SRPK1: variants seen among roughly 807,000 people sequenced by gnomAD.
The protein encoded by SRPK1 is SRSF protein kinase 1.
A neutral mutation model predicts 89.5 loss-of-function variants in SRPK1; 52 were observed. The ratio of observed to expected loss-of-function variants is 0.58; its 90% CI spans 0.46 to 0.73. The LOEUF (loss-of-function observed/expected upper bound fraction) is 0.73. Ranked by LOEUF, SRPK1 falls within the 30% of genes least tolerant of loss-of-function variation. The pLI, the probability that SRPK1 is intolerant of heterozygous loss-of-function variation, is 0.00. For synonymous variants in SRPK1, 255 were observed against 270.2 expected, an observed-to-expected ratio of 0.94 and a Z score of 0.55; for missense variants, 603 against 780.6, an observed-to-expected ratio of 0.77 and a Z score of 2.71.
intron 13 of SRPK1, among the ~76,000 whole-genome samples, chr6:35,846,811 C>T (rs1057008158): frequency 2.0e-5 from 3 of 152,140 alleles, no homozygotes; most frequent in African/African-American, 7.2e-5. Context: ...GACCTGATGG[C>T]TTCACTGCTG....
rs1270340004 is a variant in SRPK1, at chr6:35,834,310, T to C, written c.*994A>G. The C allele has an allele frequency of 6.6e-6, 1 of 152,192 alleles. No homozygotes were observed. The highest frequency in any genetic ancestry group is 1.5e-5 in the Non-Finnish European group (1 of 67,986). The allele number at this position is 152,192 out of a possible 1,614,324, so 9.4% of individuals were successfully genotyped here. On this transcript the variant is annotated 3_prime_UTR_variant, in exon 16 of 16. Coordinates refer to ENST00000373825, the MANE Select transcript of SRPK1 (RefSeq NM_003137.5). ...GAGGAAAACTGCTTCAAGGCCAGAA[T>C]TTTGGGTAAGGTAAAGAAAAAGCTG...
chr6:35,837,868 CTTTT>C (rs796327113), intron 15 of SRPK1, among the ~76,000 whole-genome samples: 1 of 138,000 alleles, frequency 7.2e-6, no homozygotes. Context: ...CCAGTCTCTG[CTTTT>C]TTTTTTTTTT....
chr6:35,887,849 C>G (rs1163714748), intron 5 of SRPK1, 175 bp downstream of exon 5: 4 of 422,154 alleles, frequency 9.5e-6, no homozygotes, highest in Non-Finnish European at 1.2e-5. Flanking sequence ...CACCAGTTCC[C>G]TACTACATGC....
chr6:35,836,071 C>A lies in SRPK1; in HGVS notation c.1784-583G>T, dbSNP rs1260027133. Among the ~76,000 whole-genome samples, 4 of 152,158 alleles carry A rather than the reference C, an allele frequency of 2.6e-5. No individual in the cohort carries two copies. The East Asian group carries it at 7.7e-4, about 29-fold the overall frequency. On this transcript the variant is annotated intron_variant, in intron 15 of 15. Coordinates refer to ENST00000373825, the MANE Select transcript of SRPK1 (RefSeq NM_003137.5). ...TACCAATACCCCCTATGGTACCAGT[C>A]TGCGGTCTGTCAGGTCTGCACAGCA... is the stretch of plus-strand genomic sequence containing the variant.
At chr6:35,853,414 T>C (rs561220544) in intron 13 of SRPK1, among the ~76,000 whole-genome samples, 1 of 152,372 alleles carries the variant, frequency 6.6e-6, no homozygotes, top group East Asian at 1.9e-4. Context: ...ATATATGTTA[T>C]ATGCAAACAC....
intron 2 of SRPK1, among the ~76,000 whole-genome samples, chr6:35,913,694 A>T (rs903429429): frequency 1.3e-5 from 2 of 151,688 alleles, no homozygotes; most frequent in Non-Finnish European, 2.9e-5. Context: ...GCTACTCGGG[A>T]GCCTGAGGCA....
At chr6:35,851,415 C>A (rs1020474315) in intron 13 of SRPK1, among the ~76,000 whole-genome samples, 7 of 152,036 alleles carry the variant, frequency 4.6e-5, no homozygotes, top group African/African-American at 1.7e-4. Context: ...ATCAGGTGAT[C>A]CACCCACCTC....
chr6:35,887,715 G>GAA, intron 5 of SRPK1: 1 of 215,964 alleles, frequency 4.6e-6, no homozygotes. Context: ...ACCATAGTAG[G>GAA]AAAAAAAAAC....
intron 2 of SRPK1, among the ~76,000 whole-genome samples, chr6:35,905,804 A>G (rs946123796): frequency 2.0e-4 from 30 of 152,232 alleles, no homozygotes; most frequent in African/African-American, 7.2e-4. Context: ...GAGAAAGAAG[A>G]GTGAAATATA....
chr6:35,876,239 AT>A (rs1561981772), intron 6 of SRPK1, among the ~76,000 whole-genome samples: 2 of 152,162 alleles, frequency 1.3e-5, no homozygotes, highest in African/African-American at 4.8e-5. Context: ...ACATCACCAA[AT>A]GTAGGTGAGG....
At chr6:35,888,468 G>T (rs1770454250) in intron 4 of SRPK1, among the ~76,000 whole-genome samples, 1 of 152,112 alleles carries the variant, frequency 6.6e-6, no homozygotes, top group Non-Finnish European at 1.5e-5. Context: ...TCTGTATATA[G>T]GCAAAAACTA....
At chr6:35,843,246 G>C (rs1220500528) in intron 13 of SRPK1, among the ~76,000 whole-genome samples, 4 of 151,552 alleles carry the variant, frequency 2.6e-5, no homozygotes, top group Admixed American at 2.6e-4. Context: ...GGGATTACAG[G>C]TGTGAGCCAC....
At chr6:35,872,168 A>C (rs1166984636) in intron 8 of SRPK1, among the ~76,000 whole-genome samples, 1 of 152,254 alleles carries the variant, frequency 6.6e-6, no homozygotes, top group Non-Finnish European at 1.5e-5. Flanking sequence ...TCTAGGATGA[A>C]GCCCAAATTC....
intron 2 of SRPK1, among the ~76,000 whole-genome samples, chr6:35,918,883 G>C (rs1366452103): frequency 6.6e-6 from 1 of 152,064 alleles, no homozygotes; most frequent in Non-Finnish European, 1.5e-5. Flanking sequence ...GCTTGATTTG[G>C]GCTAATCTCA....
At chr6:35,842,792 T>C (rs1769340230) in intron 13 of SRPK1, among the ~76,000 whole-genome samples, 188 bp from the exon 14 acceptor site, 1 of 150,742 alleles carries the variant, frequency 6.6e-6, no homozygotes, top group Admixed American at 6.6e-5. Flanking sequence ...CCTATCTTAA[T>C]AAAATGGAGA....
chr6:35,920,295 A>G, intron 2 of SRPK1, 173 bp downstream of exon 2: 1 of 718,234 alleles, frequency 1.4e-6, no homozygotes, highest in African/African-American at 1.7e-5. Flanking sequence ...GCGTTGAGCA[A>G]CAGCAGCTCT....
At chr6:35,859,753 C>A (rs1445105149) in intron 12 of SRPK1, among the ~76,000 whole-genome samples, 4 of 152,224 alleles carry the variant, frequency 2.6e-5, no homozygotes, top group East Asian at 1.9e-4. Context: ...AATCTGAATT[C>A]AATGGGGTGC....
chr6:35,889,793 A>C (rs1770480812), intron 3 of SRPK1, among the ~76,000 whole-genome samples: 1 of 147,938 alleles, frequency 6.8e-6, no homozygotes, highest in Non-Finnish European at 1.5e-5. Flanking sequence ...CAAAAAACAA[A>C]CAAACAAACA....
chr6:35,892,446 G>T (rs929864636), intron 2 of SRPK1, among the ~76,000 whole-genome samples: 9 of 152,052 alleles, frequency 5.9e-5, no homozygotes, highest in African/African-American at 2.2e-4. Context: ...GAGGCCAGGG[G>T]TTTGAGACCA....
Sources: allele counts gnomAD v4.1 joint callset (sites outside exome capture counted in the v4.1 genomes callset), GRCh38; gene constraint gnomAD v4.1.1; transcripts MANE v1.5; gene names NCBI Gene and HGNC (gene_info 2026-07-23, HGNC 2026-07-21).